Variants in TCF7L2 observed in about 807,000 individuals in gnomAD.
TCF7L2 encodes the protein transcription factor 7 like 2.
TCF7L2 carries 23 observed loss-of-function variants against 77.9 expected under a neutral mutation model. That is an observed-to-expected ratio of 0.30 (90% confidence interval 0.21 to 0.42). The LOEUF is 0.42. Among genes scored for constraint, TCF7L2 ranks in the 10% least tolerant of loss-of-function variants. The probability of loss-of-function intolerance (pLI) is 1.00; values close to 1 mark genes in which losing one functional copy is unlikely to be tolerated. For missense variants in TCF7L2, 654 were observed against 793.1 expected, an observed-to-expected ratio of 0.82 and a Z score of 2.11; for synonymous variants, 413 against 340.2, an observed-to-expected ratio of 1.21 and a Z score of -2.36.
At chr10:113,039,423 G>T (rs759395340) in intron 4 of TCF7L2, among the ~76,000 whole-genome samples, 36 of 152,076 alleles carry the variant, frequency 2.4e-4, no homozygotes, top group Non-Finnish European at 3.8e-4. Flanking sequence ...ATTGTGTCTG[G>T]CCCTGTGCAT....
chr10:113,118,643 G>GT (rs942514123), intron 5 of TCF7L2, among the ~76,000 whole-genome samples: 1,040 of 87,412 alleles, frequency 0.012, 16 homozygotes, highest in African/African-American at 0.043. Context: ...TGTTGGGGAA[G>GT]TTTTTTTTTT....
chr10:113,129,976 T>C (rs183530800), intron 5 of TCF7L2: 82 of 1,284,168 alleles, frequency 6.4e-5, no homozygotes, highest in Non-Finnish European at 7.9e-5. Flanking sequence ...GCACCTCAAT[T>C]TGAATTGCTG....
intron 5 of TCF7L2, among the ~76,000 whole-genome samples, chr10:113,073,754 G>A (rs1479408412): frequency 2.6e-5 from 4 of 151,158 alleles, no homozygotes; most frequent in African/African-American, 9.7e-5. Flanking sequence ...GCTGCTTCCC[G>A]ATCTCCTTTT....
chr10:113,006,183 C>T (rs554725913), intron 4 of TCF7L2, among the ~76,000 whole-genome samples: 2 of 152,252 alleles, frequency 1.3e-5, no homozygotes, highest in South Asian at 2.1e-4. Context: ...ACAGCACATT[C>T]TGCCGTAATG....
intron 5 of TCF7L2, among the ~76,000 whole-genome samples, chr10:113,061,599 TG>T (rs2056455071): frequency 6.6e-6 from 1 of 152,316 alleles, no homozygotes; most frequent in South Asian, 2.1e-4. Context: ...CGTTATTAGT[TG>T]GACCAGACTT....
In TCF7L2 at chr10:113,141,279, A is replaced by G; in HGVS notation, c.648A>G (p.Pro216=). 6.2e-7 allele frequency: 1 copy of G among 1,613,990 alleles called. No homozygotes were observed. The highest frequency in any genetic ancestry group is 1.1e-5 in the South Asian group (1 of 91,072). Residue 216 remains proline (P), a synonymous_variant, in exon 6 of 14, where the codon CCA becomes CCG. Coordinates refer to ENST00000627217, the MANE Select transcript of TCF7L2 (RefSeq NM_001146274.2). ...ATGAACACTTCACGCCGGGAAACCCACCTCCACACTTACCAGCCGACGTAG... is the reference window on the plus strand; with the variant it reads ...ATGAACACTTCACGCCGGGAAACCCGCCTCCACACTTACCAGCCGACGTAG...
At chr10:113,020,194 T>C (rs1489220345) in intron 4 of TCF7L2, among the ~76,000 whole-genome samples, 1 of 152,220 alleles carries the variant, frequency 6.6e-6, no homozygotes, top group Non-Finnish European at 1.5e-5. Flanking sequence ...ACAGCTCACC[T>C]TAGGGTCCTT....
intron 5 of TCF7L2, among the ~76,000 whole-genome samples, chr10:113,065,198 C>T (rs993324581): frequency 2.6e-5 from 4 of 152,198 alleles, no homozygotes; most frequent in African/African-American, 7.2e-5. Context: ...TTTAGTGTGG[C>T]CTATGAGGAT....
intron 4 of TCF7L2, among the ~76,000 whole-genome samples, chr10:113,015,077 T>C (rs904090365): frequency 4.6e-5 from 7 of 152,020 alleles, no homozygotes; most frequent in Non-Finnish European, 7.4e-5. Flanking sequence ...GCCCAGCTAC[T>C]TGGGAGGCTG....
chr10:113,151,192 G>C lies in TCF7L2; in HGVS notation c.1001+69G>C. 6.2e-7 allele frequency: 1 copy of C among 1,605,388 alleles called. No individual in the cohort carries two copies. Among genetic ancestry groups the C allele is most frequent in the Non-Finnish European group, 8.5e-7 (1 of 1,174,382 alleles). ...TCTGCAAGCCTGTTGCAGCTGCTGG[G>C]TGGTGGCTTTCTGCCTAAGGTTGGC... is the stretch of plus-strand genomic sequence containing the variant. On this transcript the variant is annotated intron_variant, in intron 9 of 13. Transcript: ENST00000627217. The surrounding 1 kb of genome is among the most constrained non-coding windows in gnomAD (Gnocchi z 5.2).
At chr10:113,113,226 A>T (rs188137461) in intron 5 of TCF7L2, among the ~76,000 whole-genome samples, 7 of 152,306 alleles carry the variant, frequency 4.6e-5, no homozygotes, top group African/African-American at 1.7e-4. Flanking sequence ...CCTGCACTTC[A>T]GTACAGGAGC....
intron 6 of TCF7L2, among the ~76,000 whole-genome samples, chr10:113,143,379 A>C (rs1030079568): frequency 6.6e-6 from 1 of 152,268 alleles, no homozygotes; most frequent in African/African-American, 2.4e-5. Flanking sequence ...ATGGCATTTG[A>C]TCAGTTTCTC....
intron 5 of TCF7L2, among the ~76,000 whole-genome samples, chr10:113,100,290 G>C (rs2061493614): frequency 6.6e-6 from 1 of 152,166 alleles, no homozygotes; most frequent in East Asian, 1.9e-4. Context: ...GAAATGATAG[G>C]GTACTTTAGA....
At chr10:113,127,866 C>CTTTTTTTTTTTTTTTTTTTTTTTCT (rs34638595) in intron 5 of TCF7L2, among the ~76,000 whole-genome samples, 1 of 110,220 alleles carries the variant, frequency 9.1e-6, no homozygotes, top group Non-Finnish European at 1.8e-5. Flanking sequence ...TTGCTGCGTC[C>CTTTTTTTTTTTTTTTTTTTTTTTCT]TTTTTTTTTT....
intron 4 of TCF7L2, among the ~76,000 whole-genome samples, 189 bp downstream of exon 4, chr10:112,964,813 G>GGTGGTGGTGATGGTGGTGGTGGTGGGGGT (rs1564719445): frequency 2.0e-5 from 2 of 98,410 alleles, no homozygotes; most frequent in Non-Finnish European, 3.6e-5. Flanking sequence ...TGGTGGTGGT[G>GGTGGTGGTGATGGTGGTGGTGGTGGGGGT]GGGGGGGGTT....
intron 5 of TCF7L2, among the ~76,000 whole-genome samples, chr10:113,118,664 GTTTT>G (rs78459197): frequency 8.8e-5 from 6 of 68,270 alleles, no homozygotes; most frequent in East Asian, 4.5e-4. Flanking sequence ...GTTTTTTTTT[GTTTT>G]TTTTTTTTTG....
At chr10:113,060,429 G>A (rs1044693319) in intron 5 of TCF7L2, among the ~76,000 whole-genome samples, 3 of 152,152 alleles carry the variant, frequency 2.0e-5, no homozygotes, top group Non-Finnish European at 2.9e-5. Flanking sequence ...CTTCAGGACC[G>A]AATGCACTCG....
At chr10:112,994,491 T>G (rs917647376) in intron 4 of TCF7L2, among the ~76,000 whole-genome samples, 3 of 152,194 alleles carry the variant, frequency 2.0e-5, no homozygotes, top group South Asian at 2.1e-4. Flanking sequence ...TTATTATGAG[T>G]AACACTACTA....
At chr10:113,107,010 A>G (rs772741173) in intron 5 of TCF7L2, among the ~76,000 whole-genome samples, 1 of 152,196 alleles carries the variant, frequency 6.6e-6, no homozygotes. Flanking sequence ...CTGGTTTTAT[A>G]ATTTTTGCGA....
Sources: gnomAD v4.1 joint callset for allele counts (sites outside exome capture counted in the v4.1 genomes callset) on GRCh38, gnomAD v4.1.1 for gene constraint, Gnocchi (gnomAD v3.1) non-coding constraint, MANE v1.5 for transcripts, NCBI Gene and HGNC (gene_info 2026-07-23, HGNC 2026-07-21) for gene names.